BRD4: variants seen among roughly 807,000 people sequenced by gnomAD.
The protein encoded by BRD4 is bromodomain-containing protein 4.
Under a neutral mutation model 142.1 loss-of-function variants are expected in BRD4, and 16 were observed. The observed-to-expected ratio is 0.11, with a 90% CI of 0.08 to 0.17. The LOEUF (loss-of-function observed/expected upper bound fraction) is 0.17. BRD4 is among the 10% of genes least tolerant of loss of function. The pLI, the probability that BRD4 is intolerant of heterozygous loss-of-function variation, is 1.00. For synonymous variants in BRD4, 833 were observed against 707.5 expected (o/e 1.18, Z -2.82); for missense variants, 1,424 against 1,810.9 (o/e 0.79, Z 3.88).
At chr19:15,322,697 CAAA>C (rs78397797) in intron 1 of BRD4, among the ~76,000 whole-genome samples, 10 of 92,262 alleles carry the variant, frequency 1.1e-4, no homozygotes, top group South Asian at 3.7e-4. Context: ...CTAAAAAATA[CAAA>C]AAAAAAAAAA....
At chr19:15,304,976 C>T (rs920606853) in intron 1 of BRD4, among the ~76,000 whole-genome samples, 2 of 151,318 alleles carry the variant, frequency 1.3e-5, no homozygotes, top group African/African-American at 2.4e-5. Context: ...TCCCACCAAC[C>T]GTAAAACAAA....
chr19:15,274,052 C>T (rs148489020), intron 1 of BRD4, among the ~76,000 whole-genome samples: 23 of 152,278 alleles, frequency 1.5e-4, no homozygotes, highest in African/African-American at 4.6e-4. Flanking sequence ...GGAGAATTTG[C>T]TACATAAAGC....
At chr19:15,253,932 A>G (rs1271819245) in intron 11 of BRD4, 1 of 753,982 alleles carries the variant, frequency 1.3e-6, no homozygotes, top group Non-Finnish European at 2.1e-6. Context: ...TGGCAGGGAG[A>G]GCATAACGGC....
chr19:15,243,309 G>C lies in BRD4; in HGVS notation c.2760C>G (p.Ala920=). The C allele has an allele frequency of 2.1e-6, 3 of 1,419,064 alleles. No homozygotes were observed. The highest frequency in any genetic ancestry group is 2.8e-6 in the Non-Finnish European group (3 of 1,077,718). 87.9% of individuals were successfully genotyped at this position (1,419,064 alleles called of 1,614,324 possible). A position where few individuals can be genotyped will look rare whatever the true frequency, so the allele number is the denominator to read the frequency against. ...QVLLEDEEPP[A]PPLTSMQMQL... Reference sequence around the variant, plus strand: ...GCATCTGCATGGAGGTGAGGGGTGGGGCAGGTGGCTCTTCATCCTCCAGCA... The same window carrying C: ...GCATCTGCATGGAGGTGAGGGGTGGCGCAGGTGGCTCTTCATCCTCCAGCA... Residue 920 remains alanine, a synonymous_variant, in exon 14 of 20, where the codon GCC becomes GCG. Coordinates refer to ENST00000679869, the MANE Select transcript of BRD4 (RefSeq NM_001379291.1).
intron 1 of BRD4, among the ~76,000 whole-genome samples, chr19:15,326,922 G>C (rs1377818877): frequency 6.6e-6 from 1 of 152,182 alleles, no homozygotes; most frequent in East Asian, 1.9e-4. Context: ...TAAAGGAACT[G>C]CAAGTTTGGG....
chr19:15,307,805 C>T (rs1285182595), intron 1 of BRD4, among the ~76,000 whole-genome samples: 1 of 151,928 alleles, frequency 6.6e-6, no homozygotes, highest in East Asian at 1.9e-4. Flanking sequence ...TACCAGATTG[C>T]CTAAGAAGGG....
chr19:15,306,034 TAG>T (rs1462571677), intron 1 of BRD4, among the ~76,000 whole-genome samples: 1 of 152,246 alleles, frequency 6.6e-6, no homozygotes, highest in Non-Finnish European at 1.5e-5. Flanking sequence ...AAGAATTGAA[TAG>T]AGTTACTACG....
intron 1 of BRD4, among the ~76,000 whole-genome samples, chr19:15,321,990 G>T (rs78081685): frequency 0.054 from 8,234 of 152,102 alleles, 318 homozygotes; most frequent in Non-Finnish European, 0.078. Context: ...TTGGGCAAAT[G>T]ACAAAGAAAC....
Position 15,272,860 on chromosome 19 carries a change from T to A in BRD4, c.240A>T (p.Ala80=). The A allele has an allele frequency of 6.2e-7, 1 of 1,614,158 alleles. No homozygotes were observed. Among genetic ancestry groups the A allele is most frequent in the South Asian group, 1.1e-5 (1 of 91,082 alleles). Residue 80 remains alanine (A), a synonymous_variant, in exon 2 of 20, where the codon GCA becomes GCT. Transcript: ENST00000679869. ...VLKTLWKHQF[A]WPFQQPVDAV... ...CATCCACAGGCTGCTGGAAAGGCCATGCAAACTGGTGTTTCCATAGTGTCT... is the reference window on the plus strand; with the variant it reads ...CATCCACAGGCTGCTGGAAAGGCCAAGCAAACTGGTGTTTCCATAGTGTCT...
rs1253979899 is a variant in BRD4 at position 15,265,475 on chromosome 19, G to A, written c.728C>T (p.Pro243Leu). Residue 243 changes from proline (P) to leucine (L), a missense_variant, in exon 5 of 20, where the codon CCT becomes CTT. By Grantham distance (98) the Pro-to-Leu change is moderately conservative (BLOSUM62 -3). This residue lies in a region of BRD4 where 140 missense variants were observed against 131.7 expected (regional missense o/e 1.06). Transcript: ENST00000679869. ...CGGGGGCGTCTGCAGTGGCTGGGGA[G>A]GCACCACTGTCATGACAGGGGTCTG... The part of the protein sequence containing the change: ...IVQTPVMTVV[P>L]PQPLQTPPPV... 4 of 1,604,122 alleles carry A rather than the reference G, an allele frequency of 2.5e-6. No individual in the cohort carries two copies. Among genetic ancestry groups the A allele is most frequent in the Admixed American group, 1.7e-5 (1 of 59,456 alleles).
intron 1 of BRD4, among the ~76,000 whole-genome samples, chr19:15,300,639 T>C (rs1474450902): frequency 6.9e-6 from 1 of 144,316 alleles, no homozygotes; most frequent in Non-Finnish European, 1.5e-5. Flanking sequence ...GATAAATATA[T>C]ACCAAAAAAA....
chr19:15,240,389 G>C (rs2145503946), intron 14 of BRD4, among the ~76,000 whole-genome samples: 1 of 152,320 alleles, frequency 6.6e-6, no homozygotes, highest in South Asian at 2.1e-4. Flanking sequence ...TGTGGGCTTG[G>C]CAGGGCCTGG....
chr19:15,273,113 T>G lies in BRD4; in HGVS notation c.-14A>C. The stretch of plus-strand genomic sequence containing the variant: ...CTCCGCAGACATGCTAGTGATCCCA[T>G]CACATTCTTCACCAGGCACTCTACA... On this transcript the variant is annotated 5_prime_UTR_variant, in exon 2 of 20. It removes an upstream start codon present in the reference 5' UTR. Transcript: ENST00000679869. The G allele has an allele frequency of 6.4e-7, 1 of 1,566,990 alleles. No individual in the cohort carries two copies. Among genetic ancestry groups the G allele is most frequent in the Non-Finnish European group, 8.7e-7 (1 of 1,154,058 alleles).
At chr19:15,253,397 C>T in intron 11 of BRD4, 1 of 666,444 alleles carries the variant, frequency 1.5e-6, no homozygotes, top group Non-Finnish European at 2.5e-6. Context: ...AGCATCACTA[C>T]CTGCCTCCAC....
intron 1 of BRD4, among the ~76,000 whole-genome samples, chr19:15,283,072 G>A (rs915780969): frequency 1.3e-5 from 2 of 152,178 alleles, no homozygotes; most frequent in African/African-American, 2.4e-5. Context: ...GATGGCCAGG[G>A]AGCAATGCAG....
chr19:15,318,827 T>C (rs1022952304), intron 1 of BRD4, among the ~76,000 whole-genome samples: 4 of 152,206 alleles, frequency 2.6e-5, no homozygotes, highest in African/African-American at 7.2e-5. Context: ...AACAGACCCA[T>C]TCTGGTACAT....
intron 1 of BRD4, among the ~76,000 whole-genome samples, chr19:15,298,243 C>T (rs2047839460): frequency 6.6e-6 from 1 of 152,232 alleles, no homozygotes; most frequent in South Asian, 2.1e-4. Flanking sequence ...AATATTTGGC[C>T]TGTTTTTGCC....
At chr19:15,330,574 T>G (rs1284754279) in intron 1 of BRD4, among the ~76,000 whole-genome samples, 1 of 152,144 alleles carries the variant, frequency 6.6e-6, no homozygotes, top group Non-Finnish European at 1.5e-5. Flanking sequence ...GAGACCAGCC[T>G]GGCCAACATG....
intron 1 of BRD4, among the ~76,000 whole-genome samples, chr19:15,315,971 T>G (rs1308865246): frequency 2.0e-5 from 3 of 147,936 alleles, no homozygotes; most frequent in Non-Finnish European, 3.0e-5. Flanking sequence ...CTGGTCTAAC[T>G]CGATGAAACC....
Sources: gnomAD v4.1 joint callset for allele counts (sites outside exome capture counted in the v4.1 genomes callset) on GRCh38, gnomAD v4.1.1 for gene constraint, gnomAD v4.1.1 regional missense constraint, MANE v1.5 for transcripts, NCBI Gene and HGNC (gene_info 2026-07-23, HGNC 2026-07-21) for gene names.